Variants in DOCK10 observed in about 807,000 individuals in gnomAD.
DOCK10 encodes the protein dedicator of cytokinesis 10.
In DOCK10, 145 loss-of-function variants were observed where a neutral mutation model predicts 280.1. That is an observed-to-expected ratio of 0.52 (90% CI 0.45 to 0.59). The LOEUF is 0.59. DOCK10 is among the 20% of genes least tolerant of loss of function. The probability of loss-of-function intolerance (pLI) is 0.00; values close to 1 mark genes in which losing one functional copy is unlikely to be tolerated. For missense variants in DOCK10, 2,368 were observed against 2,651.7 expected (o/e 0.89, Z 2.35); for synonymous variants, 915 against 942.2 (o/e 0.97, Z 0.53).
intron 27 of DOCK10, among the ~76,000 whole-genome samples, chr2:224,829,885 A>G (rs1303461380): frequency 6.6e-6 from 1 of 152,178 alleles, no homozygotes; most frequent in African/African-American, 2.4e-5. Flanking sequence ...GCTTCCTTTC[A>G]GGAGGGGAGG....
At chr2:224,814,127 GAAA>G (rs1693969547) in intron 31 of DOCK10, among the ~76,000 whole-genome samples, 190 bp downstream of exon 31, 1 of 152,110 alleles carries the variant, frequency 6.6e-6, no homozygotes, top group South Asian at 2.1e-4. Flanking sequence ...AATAAAATAC[GAAA>G]GAATTGAAAT....
At position 224,870,123 on chromosome 2, in the gene DOCK10, TAGTG is replaced by T. The variant is rs1235492028; in HGVS notation, c.1257+3869_1257+3872del. Among the ~76,000 whole-genome samples the T allele has an allele frequency of 4.6e-5, 7 of 152,286 alleles. No individual in the cohort carries two copies. In the East Asian group the frequency reaches 1.2e-3, roughly 25 times the overall value. ...AGTTACCCTCATGCTGTTCTCATGA[TAGTG>T]AGTGAGTTCTCATAATATCTGATGG... On this transcript the variant is annotated intron_variant, in intron 11 of 55. Coordinates refer to ENST00000258390, the MANE Select transcript of DOCK10 (RefSeq NM_014689.3).
chr2:224,874,883 G>A (rs1698525420), intron 8 of DOCK10, 132 bp from the exon 9 acceptor site: 7 of 732,612 alleles, frequency 9.6e-6, no homozygotes, highest in Non-Finnish European at 1.7e-5. Flanking sequence ...CTTTCATTGT[G>A]TTCTGACTCC....
chr2:224,867,109 A>ACACACACAC (rs1559605159), intron 11 of DOCK10, among the ~76,000 whole-genome samples: 11 of 132,908 alleles, frequency 8.3e-5, no homozygotes, highest in African/African-American at 3.2e-4. Context: ...CACACACACA[A>ACACACACAC]AATTTATTTA....
At chr2:224,949,106 G>A (rs1373705267) in intron 1 of DOCK10, among the ~76,000 whole-genome samples, 2 of 152,194 alleles carry the variant, frequency 1.3e-5, no homozygotes, top group Non-Finnish European at 2.9e-5. Context: ...TGCAAAGGAG[G>A]GGAAAATCCA....
chr2:224,968,872 G>A (rs756423649), intron 1 of DOCK10, among the ~76,000 whole-genome samples: 3 of 152,182 alleles, frequency 2.0e-5, no homozygotes, highest in Non-Finnish European at 4.4e-5. Flanking sequence ...AGGTGTGAAC[G>A]TCTCTTTAAC....
chr2:224,891,812 G>A (rs1406816683), intron 4 of DOCK10, among the ~76,000 whole-genome samples: 2 of 152,196 alleles, frequency 1.3e-5, no homozygotes, highest in Non-Finnish European at 2.9e-5. Flanking sequence ...GGCTAGGGTT[G>A]TAGTGAATGT....
At chr2:224,922,184 ACTT>A (rs1193903707) in intron 2 of DOCK10, among the ~76,000 whole-genome samples, 2 of 151,608 alleles carry the variant, frequency 1.3e-5, no homozygotes, top group African/African-American at 2.4e-5. Context: ...AAACTGTGGC[ACTT>A]CTTCTCATTT....
intron 2 of DOCK10, among the ~76,000 whole-genome samples, chr2:224,919,744 G>T (rs148592242): frequency 2.0e-5 from 3 of 152,030 alleles, no homozygotes; most frequent in Non-Finnish European, 4.4e-5. Context: ...CGGGAAGCAC[G>T]GGGTTTGTAT....
Position 224,770,753 on chromosome 2 carries a change from A to G in DOCK10, c.6205-108T>C. 1.3e-6 allele frequency: 1 copy of G among 752,558 alleles called. No individual in the cohort carries two copies. Among genetic ancestry groups the G allele is most frequent in the Admixed American group, 2.2e-5 (1 of 45,916 alleles). 46.6% of individuals were successfully genotyped at this position (752,558 alleles called of 1,614,324 possible). ...CAATGGTGTGGTACCCCCATCTCAC[A>G]CCCTGCCTTCTAGTCCACTCATTTG... On this transcript the variant is annotated intron_variant, in intron 53 of 55. Coordinates refer to ENST00000258390, the MANE Select transcript of DOCK10 (RefSeq NM_014689.3). This position sits in a 1 kb window ranked among gnomAD's most constrained non-coding sequence, Gnocchi z 4.5.
At chr2:224,934,527 T>C (rs1345932023) in intron 1 of DOCK10, among the ~76,000 whole-genome samples, 2 of 152,252 alleles carry the variant, frequency 1.3e-5, no homozygotes, top group Admixed American at 1.3e-4. Flanking sequence ...TTGTCACAGA[T>C]GCTTTACACA....
chr2:224,816,873 C>T (rs1209061154), intron 29 of DOCK10, among the ~76,000 whole-genome samples, 160 bp from the exon 30 acceptor site: 1 of 152,190 alleles, frequency 6.6e-6, no homozygotes, highest in Non-Finnish European at 1.5e-5. Flanking sequence ...GATTTTGTCC[C>T]CTCCGAACTG....
At chr2:224,930,101 T>C (rs553688864) in intron 2 of DOCK10, among the ~76,000 whole-genome samples, 1 of 149,980 alleles carries the variant, frequency 6.7e-6, no homozygotes, top group South Asian at 2.1e-4. Context: ...CTTGGGAGGC[T>C]GAGGCAGGAG....
At chr2:224,946,920 TC>T (rs1436072610) in intron 1 of DOCK10, 9 of 1,543,380 alleles carry the variant, frequency 5.8e-6, no homozygotes, top group African/African-American at 1.4e-5. Flanking sequence ...TTCACTGGGC[TC>T]CCGTTTAAAA....
Position 224,856,850 on chromosome 2 carries a change from A to G in DOCK10, c.1808+10T>C, listed in dbSNP as rs1559576193. ...TTTATGTTAATTTCGAGAGTATAAA[A>G]AAAACATACCTTCTATAATCTGATA... On this transcript the variant is annotated intron_variant, in intron 15 of 55. Transcript: ENST00000258390. The G allele has an allele frequency of 6.3e-7, 1 of 1,595,784 alleles. No homozygotes were observed. Among genetic ancestry groups the G allele is most frequent in the Non-Finnish European group, 8.5e-7 (1 of 1,171,142 alleles).
chr2:224,865,111 T>C, intron 11 of DOCK10, 24 bp from the exon 12 acceptor site: 3 of 1,603,698 alleles, frequency 1.9e-6, no homozygotes, highest in South Asian at 1.1e-5. Context: ...AAAGAACAGA[T>C]GTTTTTGATA....
At position 224,955,245 on chromosome 2, in the gene DOCK10, A is replaced by T. The variant is rs114036884; in HGVS notation, c.124-23577T>A. Among the ~76,000 whole-genome samples the T allele has an allele frequency of 5.8e-3, 885 of 152,220 alleles. 13 individuals carry two copies. The highest frequency in any genetic ancestry group is 0.02 in the African/African-American group (826 of 41,488). On this transcript the variant is annotated intron_variant, in intron 1 of 55. Coordinates refer to ENST00000258390, the MANE Select transcript of DOCK10 (RefSeq NM_014689.3). Reference sequence around the variant, plus strand: ...TGTATGTAAGTTTTGTGGGGAGACTAAGGTCTTTCAAATCTGTAAAGCTCT... The same window carrying T: ...TGTATGTAAGTTTTGTGGGGAGACTTAGGTCTTTCAAATCTGTAAAGCTCT...
chr2:224,854,949 C>A lies in DOCK10; in HGVS notation c.1888+14G>T. 1 of 1,586,444 alleles carries A rather than the reference C, an allele frequency of 6.3e-7. No homozygotes were observed. Among genetic ancestry groups the A allele is most frequent in the Non-Finnish European group, 8.6e-7 (1 of 1,160,432 alleles). ...TCAAAACTCTGCAACCAAACCATGA[C>A]ATCATCATCATACTTGGATGCTCCA... On this transcript the variant is annotated intron_variant, in intron 16 of 55. Coordinates refer to ENST00000258390, the MANE Select transcript of DOCK10 (RefSeq NM_014689.3).
intron 2 of DOCK10, among the ~76,000 whole-genome samples, chr2:224,924,167 A>G (rs769497267): frequency 6.6e-6 from 1 of 152,218 alleles, no homozygotes; most frequent in Non-Finnish European, 1.5e-5. Context: ...ATCCTAACAC[A>G]TAGAATGGCT....
Sources: allele counts gnomAD v4.1 joint callset (sites outside exome capture counted in the v4.1 genomes callset), GRCh38; gene constraint gnomAD v4.1.1; non-coding constraint Gnocchi (gnomAD v3.1); transcripts MANE v1.5; gene names NCBI Gene and HGNC (gene_info 2026-07-23, HGNC 2026-07-21).